FHIP1A: variants seen among roughly 807,000 people sequenced by gnomAD.
FHIP1A encodes FHF complex subunit HOOK-interacting protein 1A.
Under a neutral mutation model 88.6 loss-of-function variants are expected in FHIP1A, and 61 were observed. The ratio of observed to expected loss-of-function variants is 0.69; its 90% confidence interval spans 0.56 to 0.85. The LOEUF (loss-of-function observed/expected upper bound fraction) is 0.85, where lower values mean the gene tolerates loss of function less well. FHIP1A is among the 40% of genes least tolerant of loss of function. FHIP1A has a pLI of 0.00. For missense variants in FHIP1A, 1,154 were observed against 1,273.5 expected, an observed-to-expected ratio of 0.91 and a Z score of 1.43; for synonymous variants, 478 against 496.0, an observed-to-expected ratio of 0.96 and a Z score of 0.48.
At chr4:151,509,871 C>T (rs1730966538) in intron 3 of FHIP1A, among the ~76,000 whole-genome samples, 2 of 152,054 alleles carry the variant, frequency 1.3e-5, no homozygotes, top group African/African-American at 4.8e-5. Context: ...GAAACATCAG[C>T]TTGGTCAAGG....
chr4:151,434,873 G>C (rs1387537695), intron 1 of FHIP1A, among the ~76,000 whole-genome samples: 2 of 151,944 alleles, frequency 1.3e-5, no homozygotes, highest in Admixed American at 1.3e-4. Flanking sequence ...CCTTGATTCT[G>C]TTGTCTAAGA....
intron 1 of FHIP1A, among the ~76,000 whole-genome samples, chr4:151,425,679 G>A (rs929139453): frequency 3.3e-5 from 5 of 152,196 alleles, no homozygotes; most frequent in Middle Eastern, 6.8e-3. Context: ...TTTGGAGGCC[G>A]GAAGTCTAAA....
intron 3 of FHIP1A, among the ~76,000 whole-genome samples, chr4:151,522,351 G>A (rs575363849): frequency 1.3e-4 from 20 of 152,334 alleles, no homozygotes; most frequent in African/African-American, 4.3e-4. Flanking sequence ...TATTGGCTTT[G>A]AAGTTTTGTG....
intron 1 of FHIP1A, among the ~76,000 whole-genome samples, chr4:151,414,020 C>T (rs1436772303): frequency 6.6e-6 from 1 of 151,242 alleles, no homozygotes; most frequent in African/African-American, 2.4e-5. Flanking sequence ...CCTTTCTAGG[C>T]AGTTCTTTTG....
intron 3 of FHIP1A, among the ~76,000 whole-genome samples, chr4:151,549,863 A>G (rs924164976): frequency 2.6e-5 from 4 of 152,182 alleles, no homozygotes; most frequent in African/African-American, 9.7e-5. Context: ...TGTAGCTTTA[A>G]AAAGACTAGC....
intron 7 of FHIP1A, among the ~76,000 whole-genome samples, chr4:151,626,360 A>T (rs181479406): frequency 6.6e-6 from 1 of 152,346 alleles, no homozygotes; most frequent in Admixed American, 6.5e-5. Flanking sequence ...TGTGGAGAAG[A>T]TGGGCAGAGA....
chr4:151,644,524 C>T (rs1045023985), intron 9 of FHIP1A, among the ~76,000 whole-genome samples: 4 of 152,034 alleles, frequency 2.6e-5, no homozygotes, highest in African/African-American at 7.3e-5. Context: ...GCTAACTCTT[C>T]TATGTTTTAT....
chr4:151,608,114 G>A (rs961615597), intron 7 of FHIP1A, among the ~76,000 whole-genome samples: 1 of 127,742 alleles, frequency 7.8e-6, no homozygotes, highest in Non-Finnish European at 1.6e-5. Context: ...GCATGATCTC[G>A]GTTCACTGCA....
intron 1 of FHIP1A, among the ~76,000 whole-genome samples, chr4:151,426,079 A>G (rs1468986110): frequency 6.6e-6 from 1 of 152,134 alleles, no homozygotes; most frequent in Non-Finnish European, 1.5e-5. Context: ...AATATGATAC[A>G]TGAGATTTGC....
rs566970143 is a variant in FHIP1A, at chr4:151,453,263, G to A, written c.-355-1438G>A. On this transcript the variant is annotated intron_variant, in intron 1 of 13. Transcript: ENST00000435205. ...TCTCCTGACCTCAAGTGATCCGCCC[G>A]CCTTGGCCTCCCAAAATGCTGGGAT... 1.1e-4 allele frequency among the ~76,000 whole-genome samples: 17 copies of A among 152,138 alleles called. No individual in the cohort carries two copies. In the East Asian group the frequency reaches 2.3e-3, roughly 21 times the overall value.
intron 1 of FHIP1A, among the ~76,000 whole-genome samples, chr4:151,428,857 C>G (rs1432005960): frequency 6.6e-6 from 1 of 152,140 alleles, no homozygotes; most frequent in Non-Finnish European, 1.5e-5. Flanking sequence ...CATCTTTATA[C>G]ATCTCCACCT....
At chr4:151,440,846 C>G (rs1025161096) in intron 1 of FHIP1A, among the ~76,000 whole-genome samples, 8 of 152,168 alleles carry the variant, frequency 5.3e-5, no homozygotes, top group Middle Eastern at 3.2e-3. Context: ...CAAGCAAATT[C>G]CCAGTTTTTG....
At chr4:151,443,410 C>T (rs1210635210) in intron 1 of FHIP1A, among the ~76,000 whole-genome samples, 1 of 151,976 alleles carries the variant, frequency 6.6e-6, no homozygotes, top group Non-Finnish European at 1.5e-5. Context: ...TTAAGGGATC[C>T]TCCCGCCTCA....
intron 1 of FHIP1A, among the ~76,000 whole-genome samples, chr4:151,428,061 G>A (rs567199429): frequency 3.9e-5 from 6 of 152,144 alleles, no homozygotes; most frequent in African/African-American, 1.2e-4. Context: ...TAGTATCATG[G>A]TAATCTGTTT....
Position 151,649,834 on chromosome 4 carries a change from C to G in FHIP1A, c.1793C>G (p.Pro598Arg). 1 of 1,551,664 alleles carries G rather than the reference C, an allele frequency of 6.4e-7. No individual in the cohort carries two copies. The highest frequency in any genetic ancestry group is 8.7e-7 in the Non-Finnish European group (1 of 1,146,972). The change falls in exon 11 of 14, where the codon CCT becomes CGT. Residue 598 changes from proline (P) to arginine (R), a missense_variant. Transcript: ENST00000435205. ...SSGADVGSPG[P>R]YDDLEVSGPP... The stretch of plus-strand genomic sequence containing the variant: ...GGGGCTGACGTGGGCTCCCCAGGGC[C>G]TTATGATGATCTGGAGGTTTCAGGC...
At chr4:151,564,814 G>C (rs1010804941) in intron 3 of FHIP1A, among the ~76,000 whole-genome samples, 4 of 152,118 alleles carry the variant, frequency 2.6e-5, no homozygotes, top group South Asian at 2.1e-4. Flanking sequence ...TACTATGCTT[G>C]CAAGTGTTCT....
At chr4:151,594,480 G>T (rs892914967) in intron 7 of FHIP1A, among the ~76,000 whole-genome samples, 1 of 151,928 alleles carries the variant, frequency 6.6e-6, no homozygotes, top group Non-Finnish European at 1.5e-5. Flanking sequence ...AGGAATTTAT[G>T]CATTTCTTCT....
At chr4:151,504,470 C>T (rs986153848) in intron 3 of FHIP1A, among the ~76,000 whole-genome samples, 3 of 152,140 alleles carry the variant, frequency 2.0e-5, no homozygotes, top group Admixed American at 6.5e-5. Context: ...GTATATTACT[C>T]AGGATGTTTG....
chr4:151,511,983 C>T (rs1731051835), intron 3 of FHIP1A, among the ~76,000 whole-genome samples: 1 of 152,252 alleles, frequency 6.6e-6, no homozygotes. Flanking sequence ...AGACTGCCTC[C>T]TCAAGTGGGT....
Sources: allele counts gnomAD v4.1 joint callset (sites outside exome capture counted in the v4.1 genomes callset), GRCh38; gene constraint gnomAD v4.1.1; transcripts MANE v1.5; gene names NCBI Gene and HGNC (gene_info 2026-07-23, HGNC 2026-07-21).